ADAMTS17: variants seen among roughly 807,000 people sequenced by gnomAD.
The protein encoded by ADAMTS17 is A disintegrin and metalloproteinase with thrombospondin motifs 17.
Under a neutral mutation model 141.5 loss-of-function variants are expected in ADAMTS17, and 113 were observed. That is an observed-to-expected ratio of 0.80 (90% confidence interval 0.69 to 0.93). The LOEUF is 0.93. Ranked by LOEUF, ADAMTS17 falls within the 40% of genes least tolerant of loss-of-function variation. ADAMTS17 has a pLI of 0.00. For synonymous variants in ADAMTS17, 768 were observed against 630.6 expected, an observed-to-expected ratio of 1.22 and a Z score of -3.27; for missense variants, 1,659 against 1,517.9, an observed-to-expected ratio of 1.09 and a Z score of -1.54.
chr15:100,331,095 C>G, intron 2 of ADAMTS17, 41 bp from the exon 3 acceptor site: 1 of 1,612,440 alleles, frequency 6.2e-7, no homozygotes, highest in Non-Finnish European at 8.5e-7. Context: ...CGGTCATCCT[C>G]ACTCACACAC....
rs138297291 is a variant in ADAMTS17, at chr15:100,294,626, T to C, written c.617-13225A>G. Among the ~76,000 whole-genome samples the C allele has an allele frequency of 4.5e-4, 68 of 151,870 alleles. 2 individuals carry two copies. In the East Asian group the frequency reaches 0.011, roughly 26 times the overall value. On this transcript the variant is annotated intron_variant, in intron 3 of 21. Transcript: ENST00000268070. The stretch of plus-strand genomic sequence containing the variant: ...AGGAGGCTGAGGTCGGAGGATCACT[T>C]GAGCCCAGAGACTGATGATGCATTG...
At chr15:100,173,355 T>C (rs533558831) in intron 8 of ADAMTS17, among the ~76,000 whole-genome samples, 1 of 152,240 alleles carries the variant, frequency 6.6e-6, no homozygotes, top group East Asian at 1.9e-4. Flanking sequence ...GGAGGTTGCC[T>C]TGAGAGAGAA....
intron 3 of ADAMTS17, among the ~76,000 whole-genome samples, chr15:100,293,126 C>T (rs1301535300): frequency 6.6e-6 from 1 of 152,112 alleles, no homozygotes; most frequent in Non-Finnish European, 1.5e-5. Context: ...TGTTCCAAGT[C>T]GGTAGCCTCA....
intron 20 of ADAMTS17, among the ~76,000 whole-genome samples, chr15:99,984,523 C>A (rs185385747): frequency 2.5e-3 from 383 of 152,252 alleles, no homozygotes; most frequent in Non-Finnish European, 2.3e-3. Context: ...TGATGACTGC[C>A]CCAGATGGTG....
At chr15:100,134,643 CTG>C (rs2038232396) in intron 10 of ADAMTS17, among the ~76,000 whole-genome samples, 1 of 152,190 alleles carries the variant, frequency 6.6e-6, no homozygotes, top group South Asian at 2.1e-4. Context: ...AGACGCACAA[CTG>C]TGCTGTCTAA....
intron 14 of ADAMTS17, among the ~76,000 whole-genome samples, chr15:100,101,272 T>C (rs1034106163): frequency 2.0e-4 from 30 of 151,000 alleles, no homozygotes; most frequent in African/African-American, 7.3e-4. Flanking sequence ...TATGGCACCA[T>C]TTTCTTCTTC....
intron 20 of ADAMTS17, among the ~76,000 whole-genome samples, chr15:99,986,310 C>G (rs2573592): frequency 0.067 from 10,130 of 152,322 alleles, 1,010 homozygotes; most frequent in African/African-American, 0.22. Context: ...GCCTAGAACA[C>G]AGAAAGGCAT....
intron 10 of ADAMTS17, among the ~76,000 whole-genome samples, chr15:100,138,987 G>A (rs753335863): frequency 1.8e-4 from 28 of 152,176 alleles, no homozygotes; most frequent in Admixed American, 4.6e-4. Flanking sequence ...CTAGCTTGAA[G>A]GCGCATGGGG....
At chr15:100,315,427 G>C (rs1222690413) in intron 3 of ADAMTS17, among the ~76,000 whole-genome samples, 2 of 152,186 alleles carry the variant, frequency 1.3e-5, no homozygotes, top group African/African-American at 4.8e-5. Flanking sequence ...AGGGACATCT[G>C]TCTCTTAGGA....
chr15:100,265,050 G>T (rs1405573845), intron 4 of ADAMTS17, among the ~76,000 whole-genome samples: 4 of 152,210 alleles, frequency 2.6e-5, no homozygotes, highest in East Asian at 3.9e-4. Flanking sequence ...AGCAAGCCTT[G>T]TAAGAAGAAA....
At chr15:100,045,276 T>C (rs1366258985) in intron 18 of ADAMTS17, among the ~76,000 whole-genome samples, 1 of 152,214 alleles carries the variant, frequency 6.6e-6, no homozygotes, top group Admixed American at 6.5e-5. Flanking sequence ...TTTTATAAAA[T>C]AATTGAGACT....
chr15:99,997,016 G>C lies in ADAMTS17; in HGVS notation c.2796+369C>G, dbSNP rs1409591101. On this transcript the variant is annotated intron_variant, in intron 19 of 21. Coordinates refer to ENST00000268070, the MANE Select transcript of ADAMTS17 (RefSeq NM_139057.4). This position sits in a 1 kb window ranked among gnomAD's most constrained non-coding sequence, Gnocchi z 4.7. ...CTCTCGTAATCTACAAAGACTGCTG[G>C]GGGATTAAAGGCAAACCTTTGAAAC... Among the ~76,000 whole-genome samples, 1 of 152,164 alleles carries C rather than the reference G, an allele frequency of 6.6e-6. No homozygotes were observed. The highest frequency in any genetic ancestry group is 1.9e-4 in the East Asian group (1 of 5,196).
Position 99,971,992 on chromosome 15 carries a change from C to CTGTAATCCCAGCACT in ADAMTS17, c.*2395_*2409dup, listed in dbSNP as rs1555521470. ...AAAGGCCGGGCGCGGTGGCTCACTC[C>CTGTAATCCCAGCACT]TGTAATCCCAGCACTTTGGAAGGCT... On this transcript the variant is annotated 3_prime_UTR_variant, in exon 22 of 22. Coordinates refer to ENST00000268070, the MANE Select transcript of ADAMTS17 (RefSeq NM_139057.4). 2.0e-5 allele frequency: 3 copies of CTGTAATCCCAGCACT among 152,204 alleles called. No homozygotes were observed. The highest frequency in any genetic ancestry group is 7.2e-5 in the African/African-American group (3 of 41,434). The allele number at this position is 152,204 out of a possible 1,614,324, so 9.4% of individuals were successfully genotyped here.
At chr15:100,122,077 G>A (rs1046123174) in intron 12 of ADAMTS17, among the ~76,000 whole-genome samples, 1 of 152,168 alleles carries the variant, frequency 6.6e-6, no homozygotes, top group Non-Finnish European at 1.5e-5. Flanking sequence ...AACTGTGGTA[G>A]CAGCTACTGT....
chr15:100,235,722 G>A (rs1327273435), intron 7 of ADAMTS17, among the ~76,000 whole-genome samples: 1 of 152,146 alleles, frequency 6.6e-6, no homozygotes, highest in Non-Finnish European at 1.5e-5. Flanking sequence ...GACTTCCAGG[G>A]CCCTCTCTGA....
chr15:100,022,101 C>T (rs758733870), intron 18 of ADAMTS17, among the ~76,000 whole-genome samples: 20 of 152,152 alleles, frequency 1.3e-4, no homozygotes, highest in East Asian at 1.9e-4. Context: ...TAAACTTCCC[C>T]GGGCTCAGTT....
At chr15:100,004,414 G>C (rs1176974862) in intron 18 of ADAMTS17, among the ~76,000 whole-genome samples, 1 of 152,108 alleles carries the variant, frequency 6.6e-6, no homozygotes, top group Non-Finnish European at 1.5e-5. Flanking sequence ...ACGACACTGT[G>C]CAACTCACCA....
chr15:100,130,225 G>A (rs1254446341), intron 12 of ADAMTS17, among the ~76,000 whole-genome samples: 2 of 152,150 alleles, frequency 1.3e-5, no homozygotes, highest in Admixed American at 6.5e-5. Context: ...GTAGCTGGGA[G>A]TTGTGGTGCA....
intron 4 of ADAMTS17, among the ~76,000 whole-genome samples, chr15:100,268,331 G>C (rs1473800476): frequency 1.3e-5 from 2 of 152,170 alleles, no homozygotes; most frequent in Non-Finnish European, 2.9e-5. Context: ...TGGGATTGCT[G>C]GGTCAAAGGG....
Sources: allele counts gnomAD v4.1 joint callset (sites outside exome capture counted in the v4.1 genomes callset), GRCh38; gene constraint gnomAD v4.1.1; non-coding constraint Gnocchi (gnomAD v3.1); transcripts MANE v1.5; gene names NCBI Gene and HGNC (gene_info 2026-07-23, HGNC 2026-07-21).